Variants in TAF1 observed in about 807,000 individuals in gnomAD.
TAF1 encodes the protein TATA-box binding protein associated factor 1, also known as transcription initiation factor TFIID subunit 1.
In TAF1, 2 loss-of-function variants were observed where a neutral mutation model predicts 138.5. The ratio of observed to expected loss-of-function variants is 0.01; its 90% CI spans 0.01 to 0.05. The LOEUF is 0.05. Among genes scored for constraint, TAF1 ranks in the 10% least tolerant of loss-of-function variants. The pLI, the probability that TAF1 is intolerant of heterozygous loss-of-function variation, is 1.00. For missense variants in TAF1, 709 were observed against 1,478.0 expected (o/e 0.48, Z 8.53); for synonymous variants, 437 against 503.2 (o/e 0.87, Z 1.76).
intron 32 of TAF1, among the ~76,000 whole-genome samples, chrX:71,436,169 T>G (rs1285249550): frequency 1.0e-5 from 1 of 97,376 alleles, no homozygotes. Flanking sequence ...CACCTCAGCC[T>G]CCCAAGAAGC....
At chrX:71,502,099 C>A (rs776515764) in intron 13 of TAF1, among the ~76,000 whole-genome samples, 1 of 111,622 alleles carries the variant, frequency 9.0e-6, no homozygotes, top group East Asian at 2.8e-4. Flanking sequence ...GGGACCTGAG[C>A]AGGTTGCTGC....
Position 71,460,530 on chromosome X carries a change from G to T in TAF1, c.5222-96G>T, listed in dbSNP as rs977995591. 5 of 991,844 alleles carry T rather than the reference G, an allele frequency of 5.0e-6. No homozygotes were observed. The African/African-American group carries it at 9.6e-5, about 19-fold the overall frequency. 81.7% of individuals were successfully genotyped at this position (991,844 alleles called of 1,213,427 possible). ...GTATAGGCAAGATACCTGTGTAGAT[G>T]TGTGAGAGTTACTAGTTTGGGAAGA... On this transcript the variant is annotated intron_variant, in intron 36 of 37. Coordinates refer to ENST00000423759, the MANE Select transcript of TAF1 (RefSeq NM_004606.5).
chrX:71,413,488 T>C (rs2035900353), intron 28 of TAF1, among the ~76,000 whole-genome samples: 1 of 112,389 alleles, frequency 8.9e-6, no homozygotes, highest in African/African-American at 3.2e-5. Context: ...TCTTGAACTT[T>C]TGTGCATTTG....
At chrX:71,396,633 A>G in intron 22 of TAF1, among the ~76,000 whole-genome samples, 1 of 111,638 alleles carries the variant, frequency 9.0e-6, no homozygotes, top group East Asian at 2.8e-4. Flanking sequence ...CCCACTTCCT[A>G]CATGGTCTTT....
intron 32 of TAF1, among the ~76,000 whole-genome samples, chrX:71,427,980 C>CTT (rs374297969): frequency 2.2e-5 from 2 of 92,998 alleles, no homozygotes; most frequent in African/African-American, 7.9e-5. Flanking sequence ...GAAAGAGATA[C>CTT]TTTTTTTTTT....
chrX:71,427,516 T>C (rs1264227360), intron 32 of TAF1, among the ~76,000 whole-genome samples: 1 of 111,868 alleles, frequency 8.9e-6, no homozygotes, highest in Non-Finnish European at 1.9e-5. Context: ...GGAGCTTATG[T>C]AAAACAGTAA....
chrX:71,429,594 T>C (rs764059606), intron 32 of TAF1, among the ~76,000 whole-genome samples: 1 of 110,569 alleles, frequency 9.0e-6, no homozygotes, highest in South Asian at 3.9e-4. Flanking sequence ...ACACCAAACC[T>C]TTAGAAGGAG....
intron 13 of TAF1, among the ~76,000 whole-genome samples, chrX:71,524,147 G>A (rs1197815575): frequency 1.9e-5 from 2 of 106,579 alleles, no homozygotes; most frequent in East Asian, 3.0e-4. Context: ...TCAGCCTCCC[G>A]AGTAGCTGGG....
At chrX:71,434,152 T>C (rs1433303994) in intron 32 of TAF1, among the ~76,000 whole-genome samples, 3 of 111,907 alleles carry the variant, frequency 2.7e-5, no homozygotes, top group Non-Finnish European at 5.6e-5. Context: ...GAGGATCTCT[T>C]GAGGCCAGAA....
chrX:71,464,704 T>A lies in TAF1; in HGVS notation c.*658T>A. ...CTGGGCGAAAGAGTGAGATTCAGTC[T>A]CAAAAAAAAAAAAATTTCCAAGCAT... On this transcript the variant is annotated 3_prime_UTR_variant, in exon 38 of 38. Coordinates refer to ENST00000423759, the MANE Select transcript of TAF1 (RefSeq NM_004606.5). 8.5e-6 allele frequency: 1 copy of A among 118,182 alleles called. No homozygotes were observed. Among genetic ancestry groups the A allele is most frequent in the Non-Finnish European group, 1.7e-5 (1 of 58,260 alleles). The allele number at this position is 118,182 out of a possible 1,213,427, so 9.7% of individuals were successfully genotyped here. A position where few individuals can be genotyped will look rare whatever the true frequency, so the allele number is the denominator to read the frequency against.
chrX:71,516,616 T>C (rs2072930393), intron 13 of TAF1, among the ~76,000 whole-genome samples: 1 of 100,937 alleles, frequency 9.9e-6, no homozygotes, highest in South Asian at 4.6e-4. Context: ...CATTCTAGCC[T>C]GGGGGACAGA....
At chrX:71,519,105 G>A (rs1401903011) in intron 13 of TAF1, among the ~76,000 whole-genome samples, 2 of 108,686 alleles carry the variant, frequency 1.8e-5, no homozygotes, top group East Asian at 3.0e-4. Context: ...GACGGATCAC[G>A]AGGTCAGGAG....
intron 1 of TAF1, 149 bp downstream of exon 1, chrX:71,366,643 C>A: frequency 1.6e-6 from 1 of 622,758 alleles, no homozygotes; most frequent in Non-Finnish European, 2.4e-6. Flanking sequence ...GGTGCGGGAG[C>A]AACGTGGCGT....
chrX:71,412,647 G>T (rs2035856336), intron 28 of TAF1, among the ~76,000 whole-genome samples: 2 of 112,125 alleles, frequency 1.8e-5, no homozygotes, highest in South Asian at 7.3e-4. Context: ...GAGTGCAGTG[G>T]CACGATCTCC....
intron 32 of TAF1, among the ~76,000 whole-genome samples, chrX:71,452,224 C>T (rs1474834282): frequency 2.7e-5 from 3 of 110,064 alleles, no homozygotes; most frequent in South Asian, 3.9e-4. Context: ...ACTTCCCAGA[C>T]GGGGCGGCTG....
chrX:71,377,865 AAATGAATTC>A, intron 6 of TAF1, 44 bp downstream of exon 6: 1 of 1,104,685 alleles, frequency 9.1e-7, no homozygotes, highest in Non-Finnish European at 1.2e-6. Flanking sequence ...TGAGAGGAAC[AAATGAATTC>A]AATGAGTTCT....
intron 13 of TAF1, among the ~76,000 whole-genome samples, chrX:71,481,053 C>A (rs186256113): frequency 2.1e-4 from 24 of 112,133 alleles, no homozygotes; most frequent in Non-Finnish European, 2.6e-4. Flanking sequence ...CCGAGGCGGG[C>A]GGATCACCTG....
chrX:71,436,758 A>G (rs1280778863), intron 32 of TAF1, among the ~76,000 whole-genome samples: 4 of 112,042 alleles, frequency 3.6e-5, no homozygotes, highest in Non-Finnish European at 7.5e-5. Flanking sequence ...TTATCACCAG[A>G]TAATTGTTTT....
At chrX:71,382,049 C>A (rs1448405414) in intron 9 of TAF1, 130 bp downstream of exon 9, 2 of 764,151 alleles carry the variant, frequency 2.6e-6, no homozygotes, top group Non-Finnish European at 3.5e-6. Flanking sequence ...CTTGAGAGAG[C>A]GAAGTTTTGG....
Sources: gnomAD v4.1 joint callset for allele counts (sites outside exome capture counted in the v4.1 genomes callset) on GRCh38, gnomAD v4.1.1 for gene constraint, MANE v1.5 for transcripts, NCBI Gene and HGNC (gene_info 2026-07-23, HGNC 2026-07-21) for gene names.